Variants in ZFP14 observed in about 807,000 individuals in gnomAD.
ZFP14 encodes ZFP14 zinc finger protein.
In ZFP14, 22 loss-of-function variants were observed where a neutral mutation model predicts 54.5. The observed-to-expected ratio is 0.40, with a 90% CI of 0.29 to 0.58. The LOEUF (loss-of-function observed/expected upper bound fraction) is 0.58. Ranked by LOEUF, ZFP14 falls within the 20% of genes least tolerant of loss-of-function variation. The pLI, the probability that ZFP14 is intolerant of heterozygous loss-of-function variation, is 0.39. For missense variants in ZFP14, 470 were observed against 637.8 expected (o/e 0.74, Z 2.83); for synonymous variants, 159 against 204.0 (o/e 0.78, Z 1.88).
chr19:36,369,132 G>A (rs1389922558), intron 1 of ZFP14, among the ~76,000 whole-genome samples: 2 of 151,540 alleles, frequency 1.3e-5, no homozygotes, highest in African/African-American at 2.4e-5. Context: ...GTGAGCCACC[G>A]TGCCCGGCCC....
chr19:36,367,172 C>T (rs1340091614), intron 2 of ZFP14, among the ~76,000 whole-genome samples: 4 of 151,474 alleles, frequency 2.6e-5, no homozygotes, highest in Non-Finnish European at 5.9e-5. Flanking sequence ...AAAAAAATGT[C>T]ATATTATGTA....
chr19:36,370,899 C>T (rs1313100051), intron 1 of ZFP14, among the ~76,000 whole-genome samples: 2 of 152,206 alleles, frequency 1.3e-5, no homozygotes, highest in African/African-American at 4.8e-5. Context: ...AACATGACAT[C>T]GTCAATAGGA....
chr19:36,372,646 G>A (rs1387027917), intron 1 of ZFP14, among the ~76,000 whole-genome samples: 1 of 152,026 alleles, frequency 6.6e-6, no homozygotes, highest in Non-Finnish European at 1.5e-5. Context: ...GTATGGAGAG[G>A]CCTCAAAAAA....
At position 36,340,836 on chromosome 19, in the gene ZFP14, A is replaced by G; in HGVS notation, c.990T>C (p.His330=). Residue 330 remains histidine (H), a synonymous_variant, in exon 5 of 5, where the codon CAT becomes CAC. Coordinates refer to ENST00000270001, the MANE Select transcript of ZFP14 (RefSeq NM_020917.3). The surrounding 1 kb of genome is among the most constrained non-coding windows in gnomAD (Gnocchi z 5.4). The part of the protein sequence containing the change: ...AFVCGPDLRV[H]QKIHFGEKPY... ...GTTTCTCACCAAAATGAATTTTCTG[A>G]TGTACTCTAAGGTCTGGACCACATA... The G allele has an allele frequency of 6.2e-7, 1 of 1,613,986 alleles. No individual in the cohort carries two copies.
intron 2 of ZFP14, among the ~76,000 whole-genome samples, chr19:36,365,006 T>C (rs1009016757): frequency 3.4e-5 from 4 of 117,726 alleles, no homozygotes; most frequent in African/African-American, 6.7e-5. Context: ...TTTTTTTTTT[T>C]TTTTTTTTTT....
At chr19:36,365,125 C>T (rs1200011230) in intron 2 of ZFP14, among the ~76,000 whole-genome samples, 2 of 150,136 alleles carry the variant, frequency 1.3e-5, no homozygotes, top group Non-Finnish European at 1.5e-5. Flanking sequence ...AAGCAATGGC[C>T]TCCCAAAGGA....
chr19:36,336,883 G>A lies in ZFP14; in HGVS notation c.*3341C>T, dbSNP rs2031210545. The A allele has an allele frequency of 6.6e-6, 1 of 152,154 alleles. No individual in the cohort carries two copies. Among genetic ancestry groups the A allele is most frequent in the Non-Finnish European group, 1.5e-5 (1 of 68,030 alleles). The allele number at this position is 152,154 out of a possible 1,614,324, so 9.4% of individuals were successfully genotyped here. ...AAAAGTAGAAATATTAGAACAATAAGTCTCCATGAACAAAACACTCCACTT... is the reference window on the plus strand; with the variant it reads ...AAAAGTAGAAATATTAGAACAATAAATCTCCATGAACAAAACACTCCACTT... On this transcript the variant is annotated 3_prime_UTR_variant, in exon 5 of 5. Coordinates refer to ENST00000270001, the MANE Select transcript of ZFP14 (RefSeq NM_020917.3).
intron 4 of ZFP14, among the ~76,000 whole-genome samples, chr19:36,346,323 CAAAACAAA>C (rs1207481926): frequency 2.0e-5 from 3 of 151,910 alleles, no homozygotes; most frequent in Non-Finnish European, 4.4e-5. Flanking sequence ...AAAACAAAAA[CAAAACAAA>C]AAAACAAAAA....
chr19:36,343,549 T>C (rs905653399), intron 4 of ZFP14, among the ~76,000 whole-genome samples: 3 of 152,236 alleles, frequency 2.0e-5, no homozygotes, highest in Admixed American at 6.5e-5. Context: ...TATTTAAGTC[T>C]ATGCACTTTA....
rs573189366 is a variant in ZFP14 at position 36,374,142 on chromosome 19, C to CT, written c.-80+5020dup. The stretch of plus-strand genomic sequence containing the variant: ...AAGCAGCATTTCAATCCTGTAAACT[C>CT]TGAATCAGAAGCTCCACTTCTGACA... On this transcript the variant is annotated intron_variant, in intron 1 of 4. Coordinates refer to ENST00000270001, the MANE Select transcript of ZFP14 (RefSeq NM_020917.3). Among the ~76,000 whole-genome samples, 27 of 152,242 alleles carry CT rather than the reference C, an allele frequency of 1.8e-4. 1 individual carries two copies. In the East Asian group the frequency reaches 4.8e-3, roughly 27 times the overall value.
intron 2 of ZFP14, among the ~76,000 whole-genome samples, chr19:36,365,580 T>A (rs1243585195): frequency 1.3e-5 from 2 of 152,244 alleles, no homozygotes; most frequent in South Asian, 4.1e-4. Flanking sequence ...TTTCAAAACA[T>A]CTGCAGATGG....
intron 1 of ZFP14, among the ~76,000 whole-genome samples, chr19:36,370,504 G>A (rs1318698917): frequency 6.6e-6 from 1 of 152,218 alleles, no homozygotes; most frequent in Non-Finnish European, 1.5e-5. Flanking sequence ...GACATCAGAG[G>A]CCCTGGGCTC....
At chr19:36,355,779 G>A (rs1467369668) in intron 4 of ZFP14, among the ~76,000 whole-genome samples, 1 of 142,548 alleles carries the variant, frequency 7.0e-6, no homozygotes, top group Non-Finnish European at 1.6e-5. Flanking sequence ...TGCAAGCCAG[G>A]AAGAGAGACT....
At chr19:36,358,179 C>T (rs914991474) in intron 4 of ZFP14, among the ~76,000 whole-genome samples, 1 of 150,888 alleles carries the variant, frequency 6.6e-6, no homozygotes, top group African/African-American at 2.4e-5. Flanking sequence ...GGTGTGATCT[C>T]GGCTCACTGC....
chr19:36,360,644 G>A (rs772954687), intron 3 of ZFP14, 111 bp from the exon 4 acceptor site: 79 of 951,228 alleles, frequency 8.3e-5, no homozygotes, highest in Non-Finnish European at 1.1e-4. Flanking sequence ...ATAAAGCCTA[G>A]GAGCGAAGAA....
At chr19:36,371,940 A>G (rs2031882982) in intron 1 of ZFP14, among the ~76,000 whole-genome samples, 1 of 133,712 alleles carries the variant, frequency 7.5e-6, no homozygotes, top group African/African-American at 2.7e-5. Flanking sequence ...CCTGGGCAAC[A>G]GAGTGAGATG....
At chr19:36,373,635 T>C (rs1226919372) in intron 1 of ZFP14, among the ~76,000 whole-genome samples, 1 of 152,130 alleles carries the variant, frequency 6.6e-6, no homozygotes, top group Non-Finnish European at 1.5e-5. Context: ...TAAAACACCA[T>C]GATGTACATG....
chr19:36,340,019 T>G lies in ZFP14; in HGVS notation c.*205A>C. ...AGATAATGACAGATAAGGCTAAAGA[T>G]TTTCCTACATTCATTACATTATTCT... On this transcript the variant is annotated 3_prime_UTR_variant, in exon 5 of 5. Coordinates refer to ENST00000270001, the MANE Select transcript of ZFP14 (RefSeq NM_020917.3). The surrounding 1 kb of genome is among the most constrained non-coding windows in gnomAD (Gnocchi z 5.4). 2.1e-6 allele frequency: 1 copy of G among 474,640 alleles called. No homozygotes were observed. Among genetic ancestry groups the G allele is most frequent in the Admixed American group, 3.9e-5 (1 of 25,968 alleles). The allele number at this position is 474,640 out of a possible 1,614,324, so 29.4% of individuals were successfully genotyped here.
At chr19:36,364,517 C>G (rs1032229992) in intron 2 of ZFP14, among the ~76,000 whole-genome samples, 9 of 152,192 alleles carry the variant, frequency 5.9e-5, no homozygotes, top group African/African-American at 2.2e-4. Flanking sequence ...GGGTAGGAAG[C>G]CTTTCCCGCT....
Sources: allele counts gnomAD v4.1 joint callset (sites outside exome capture counted in the v4.1 genomes callset), GRCh38; gene constraint gnomAD v4.1.1; non-coding constraint Gnocchi (gnomAD v3.1); transcripts MANE v1.5; gene names NCBI Gene and HGNC (gene_info 2026-07-23, HGNC 2026-07-21).